The following AKAP13 variants were observed in gnomAD, a reference collection of about 807,000 sequenced individuals.
AKAP13 encodes the protein A-kinase anchoring protein 13, also known as A-kinase anchor protein 13.
Under a neutral mutation model 264.5 loss-of-function variants are expected in AKAP13, and 80 were observed. The ratio of observed to expected loss-of-function variants is 0.30; its 90% confidence interval spans 0.25 to 0.36. The LOEUF is 0.36. Ranked by LOEUF, AKAP13 falls within the 10% of genes least tolerant of loss-of-function variation. The pLI, the probability that AKAP13 is intolerant of heterozygous loss-of-function variation, is 1.00. For missense variants in AKAP13, 3,712 were observed against 3,435.2 expected, an observed-to-expected ratio of 1.08 and a Z score of -2.01; for synonymous variants, 1,380 against 1,250.2, an observed-to-expected ratio of 1.10 and a Z score of -2.19.
At chr15:85,462,383 G>A (rs1448200328) in intron 1 of AKAP13, among the ~76,000 whole-genome samples, 1 of 152,158 alleles carries the variant, frequency 6.6e-6, no homozygotes, top group African/African-American at 2.4e-5. Flanking sequence ...ATAGAGATTG[G>A]TGCTGCCATC....
intron 1 of AKAP13, among the ~76,000 whole-genome samples, chr15:85,433,940 C>CAA (rs1290101756): frequency 2.4e-5 from 2 of 82,850 alleles, no homozygotes; most frequent in African/African-American, 1.1e-4. Context: ...GACTCTGTCT[C>CAA]AAAAAATAAA....
At chr15:85,629,502 C>T (rs779077226) in intron 8 of AKAP13, among the ~76,000 whole-genome samples, 2 of 152,130 alleles carry the variant, frequency 1.3e-5, no homozygotes, top group Non-Finnish European at 2.9e-5. Context: ...GAACCATGCA[C>T]TTACTACTCA....
chr15:85,584,580 G>T (rs549413973), intron 7 of AKAP13, among the ~76,000 whole-genome samples: 2 of 152,206 alleles, frequency 1.3e-5, no homozygotes, highest in East Asian at 3.9e-4. Context: ...GGTTCTTTGG[G>T]CAAGGAAACT....
chr15:85,662,467 A>G, intron 12 of AKAP13: 4 of 1,614,002 alleles, frequency 2.5e-6, no homozygotes, highest in Non-Finnish European at 2.5e-6. Flanking sequence ...TGATATTGTT[A>G]TGTGTCCCGC....
intron 14 of AKAP13, chr15:85,676,971 C>T: frequency 1.0e-6 from 1 of 985,514 alleles, no homozygotes; most frequent in Non-Finnish European, 1.2e-6. Flanking sequence ...GAACCTCCTT[C>T]TCAGCTCAGC....
intron 8 of AKAP13, among the ~76,000 whole-genome samples, chr15:85,615,050 G>A (rs1451438986): frequency 6.6e-6 from 1 of 152,166 alleles, no homozygotes; most frequent in East Asian, 1.9e-4. Flanking sequence ...AATTTTAGTA[G>A]AATTTAACAT....
At chr15:85,645,106 C>T (rs938598215) in intron 9 of AKAP13, among the ~76,000 whole-genome samples, 2 of 152,116 alleles carry the variant, frequency 1.3e-5, no homozygotes, top group East Asian at 1.9e-4. Context: ...AGCAACAGAA[C>T]GAGAACTTGT....
chr15:85,533,720 T>A lies in AKAP13; in HGVS notation c.318T>A (p.Ser106Arg), dbSNP rs759795627. Residue 106 changes from serine to arginine, a missense_variant, in exon 4 of 37, where the codon AGT (serine) becomes AGA (arginine). By Grantham distance (110) the Ser-to-Arg change is moderately radical. This residue lies in a region of AKAP13 where 2,759 missense variants were observed against 2,411.7 expected (regional missense o/e 1.14). Transcript: ENST00000394518. ...ATGCAGCTCAATTCCTAGCAACCAG[T>A]GCTGGAAATCAGCAGGCTTTGAACT... ...AYDAAQFLAT[S>R]AGNQQALNFT... 3 of 1,614,204 alleles carry A rather than the reference T, an allele frequency of 1.9e-6. No homozygotes were observed. The Admixed American group carries it at 5.0e-5, about 27-fold the overall frequency.
intron 2 of AKAP13, among the ~76,000 whole-genome samples, chr15:85,504,918 CCTCTCCCCCT>C (rs2076165459): frequency 6.6e-6 from 1 of 151,858 alleles, no homozygotes; most frequent in Non-Finnish European, 1.5e-5. Context: ...ACCCTCTCCC[CCTCTCCCCCT>C]CTCTCCCATC....
At chr15:85,400,337 G>C (rs1326749841) in intron 1 of AKAP13, among the ~76,000 whole-genome samples, 2 of 152,116 alleles carry the variant, frequency 1.3e-5, no homozygotes, top group Non-Finnish European at 2.9e-5. Context: ...TTGAGTCCAT[G>C]AGTTAGAGGT....
intron 10 of AKAP13, among the ~76,000 whole-genome samples, chr15:85,649,037 T>G (rs764598620): frequency 2.0e-5 from 3 of 152,134 alleles, no homozygotes; most frequent in Non-Finnish European, 4.4e-5. Context: ...CAATAAATGT[T>G]TGCTCTAGCA....
chr15:85,733,211 G>A (rs1480700753), intron 30 of AKAP13, among the ~76,000 whole-genome samples: 1 of 152,114 alleles, frequency 6.6e-6, no homozygotes, highest in African/African-American at 2.4e-5. Context: ...CTTTATACTT[G>A]AAAGCCTATT....
intron 1 of AKAP13, among the ~76,000 whole-genome samples, chr15:85,485,047 TG>T (rs1327305476): frequency 6.6e-6 from 1 of 152,236 alleles, no homozygotes; most frequent in Non-Finnish European, 1.5e-5. Context: ...GATGAAGTCC[TG>T]GTCCAATCAC....
intron 1 of AKAP13, among the ~76,000 whole-genome samples, chr15:85,386,691 G>A (rs562564190): frequency 4.0e-5 from 6 of 151,136 alleles, no homozygotes; most frequent in Admixed American, 2.0e-4. Context: ...TTATTTTTTT[G>A]TGGATGGATT....
At chr15:85,734,737 C>T (rs1422884974) in intron 30 of AKAP13, among the ~76,000 whole-genome samples, 1 of 152,198 alleles carries the variant, frequency 6.6e-6, no homozygotes, top group Non-Finnish European at 1.5e-5. Flanking sequence ...TAGTAAATTA[C>T]TCTGCCTTCC....
chr15:85,721,855 C>T (rs977168231), intron 23 of AKAP13, 136 bp from the exon 24 acceptor site: 17 of 1,398,090 alleles, frequency 1.2e-5, no homozygotes, highest in Non-Finnish European at 1.5e-5. Flanking sequence ...TCCAAAGCTG[C>T]TGCACCATTT....
intron 8 of AKAP13, among the ~76,000 whole-genome samples, chr15:85,631,502 T>A (rs28618233): frequency 0.038 from 5,267 of 139,700 alleles, 302 homozygotes; most frequent in African/African-American, 0.12. Flanking sequence ...TCTCTCTCTC[T>A]CACACACACA....
chr15:85,710,774 A>G, intron 19 of AKAP13, 129 bp downstream of exon 19: 1 of 1,039,310 alleles, frequency 9.6e-7, no homozygotes, highest in South Asian at 1.6e-5. Flanking sequence ...AAGTGAGAGA[A>G]GGCTGCTGTT....
chr15:85,671,433 CAAAAAAAAAAA>C (rs11296113), intron 14 of AKAP13, among the ~76,000 whole-genome samples: 17 of 70,558 alleles, frequency 2.4e-4, no homozygotes, highest in South Asian at 4.6e-4. Context: ...GACACTGCCT[CAAAAAAAAAAA>C]AAAAAAAAAA....
Sources: gnomAD v4.1 joint callset for allele counts (sites outside exome capture counted in the v4.1 genomes callset) on GRCh38, gnomAD v4.1.1 for gene constraint, gnomAD v4.1.1 regional missense constraint, MANE v1.5 for transcripts, NCBI Gene and HGNC (gene_info 2026-07-23, HGNC 2026-07-21) for gene names.